The following IPO11 variants were observed in gnomAD, a reference collection of about 807,000 sequenced individuals.
IPO11 encodes importin 11, also known as importin-11.
Under a neutral mutation model 143.2 loss-of-function variants are expected in IPO11, and 66 were observed. The observed-to-expected ratio is 0.46, with a 90% confidence interval of 0.38 to 0.57. The LOEUF (loss-of-function observed/expected upper bound fraction) is 0.57. Ranked by LOEUF, IPO11 falls within the 20% of genes least tolerant of loss-of-function variation. The pLI is 0.00. For missense variants in IPO11, 1,026 were observed against 1,141.0 expected, an observed-to-expected ratio of 0.90 and a Z score of 1.45; for synonymous variants, 385 against 377.8, an observed-to-expected ratio of 1.02 and a Z score of -0.22.
chr5:62,501,178 A>T (rs1264648913), intron 16 of IPO11, among the ~76,000 whole-genome samples: 1 of 152,026 alleles, frequency 6.6e-6, no homozygotes, highest in Non-Finnish European at 1.5e-5. Flanking sequence ...TGTGCGTTTT[A>T]TGGGTCTTTC....
At chr5:62,582,155 G>T (rs1744592257) in intron 27 of IPO11, among the ~76,000 whole-genome samples, 1 of 152,170 alleles carries the variant, frequency 6.6e-6, no homozygotes, top group East Asian at 1.9e-4. Flanking sequence ...GAAATGATTA[G>T]ATTTACCCTT....
At chr5:62,574,670 T>C (rs1203826902) in intron 27 of IPO11, among the ~76,000 whole-genome samples, 1 of 152,180 alleles carries the variant, frequency 6.6e-6, no homozygotes, top group African/African-American at 2.4e-5. Flanking sequence ...TGTAAAACTA[T>C]GCCAATATAC....
intron 5 of IPO11, among the ~76,000 whole-genome samples, chr5:62,462,755 G>C (rs1321789653): frequency 1.3e-5 from 2 of 151,924 alleles, no homozygotes; most frequent in Admixed American, 1.3e-4. Flanking sequence ...ATGTAGGGTG[G>C]CAAATTCTCC....
At position 62,546,205 on chromosome 5, in the gene IPO11, C is replaced by T. The variant is rs750995894; in HGVS notation, c.2251-4162C>T. On this transcript the variant is annotated intron_variant, in intron 24 of 29. Transcript: ENST00000325324. ...AAAGACTTGGAACCAACCCAAATGT[C>T]CATCTATGATAGACTGGATTAAGAA... 3.9e-5 allele frequency among the ~76,000 whole-genome samples: 6 copies of T among 152,146 alleles called. No homozygotes were observed. In the East Asian group the frequency reaches 7.7e-4, roughly 20 times the overall value.
chr5:62,421,889 A>G (rs1192788122), intron 1 of IPO11, among the ~76,000 whole-genome samples: 4 of 152,236 alleles, frequency 2.6e-5, no homozygotes, highest in African/African-American at 9.6e-5. Context: ...TATAAGATAC[A>G]GCTTTATAGA....
At chr5:62,479,072 G>A (rs1746080284) in intron 9 of IPO11, among the ~76,000 whole-genome samples, 1 of 152,162 alleles carries the variant, frequency 6.6e-6, no homozygotes, top group African/African-American at 2.4e-5. Flanking sequence ...TTCTCCTAAT[G>A]CTATCCCTCC....
intron 27 of IPO11, among the ~76,000 whole-genome samples, chr5:62,573,433 T>C (rs1325741298): frequency 1.3e-5 from 2 of 152,216 alleles, no homozygotes; most frequent in Non-Finnish European, 2.9e-5. Context: ...TCTGACTGTA[T>C]ACTCCTTTTT....
intron 20 of IPO11, among the ~76,000 whole-genome samples, chr5:62,519,575 A>G (rs1188303188): frequency 6.6e-6 from 1 of 152,224 alleles, no homozygotes; most frequent in African/African-American, 2.4e-5. Flanking sequence ...GAAGGCCTAT[A>G]TCATTATGTC....
At chr5:62,558,945 T>C (rs1433506490) in intron 26 of IPO11, among the ~76,000 whole-genome samples, 3 of 152,236 alleles carry the variant, frequency 2.0e-5, no homozygotes, top group Non-Finnish European at 4.4e-5. Context: ...TTCCAGTGCA[T>C]ATAGTTATAA....
At chr5:62,463,474 G>A (rs1745448802) in intron 5 of IPO11, among the ~76,000 whole-genome samples, 2 of 151,624 alleles carry the variant, frequency 1.3e-5, no homozygotes, top group South Asian at 4.2e-4. Context: ...GACCAGGCTG[G>A]GCAACACAGT....
rs572963478 is a variant in IPO11 at position 62,503,068 on chromosome 5, G to T, written c.1591-1599G>T. 2.0e-5 allele frequency among the ~76,000 whole-genome samples: 3 copies of T among 152,026 alleles called. No individual in the cohort carries two copies. The South Asian group carries it at 6.3e-4, about 32-fold the overall frequency. On this transcript the variant is annotated intron_variant, in intron 16 of 29. Transcript: ENST00000325324. ...TCGAACTCCTGGCCTCAAGTGATCC[G>T]CCTGCCTCCGCCTCCCAAAGTGCTG...
chr5:62,443,169 T>C (rs1166026087), intron 3 of IPO11, 86 bp downstream of exon 3: 1 of 804,416 alleles, frequency 1.2e-6, no homozygotes, highest in Non-Finnish European at 2.0e-6. Context: ...TGTAAAAGGA[T>C]GTGTTAGCGC....
At chr5:62,415,704 G>T (rs1347438047) in intron 1 of IPO11, among the ~76,000 whole-genome samples, 1 of 151,752 alleles carries the variant, frequency 6.6e-6, no homozygotes, top group East Asian at 1.9e-4. Context: ...TCGACCTCAG[G>T]TGATCCCCCT....
At chr5:62,599,446 A>G (rs192132341) in intron 28 of IPO11, among the ~76,000 whole-genome samples, 6 of 152,356 alleles carry the variant, frequency 3.9e-5, no homozygotes, top group East Asian at 3.9e-4. Flanking sequence ...TCAGCGCTCA[A>G]TGAATGTTTG....
intron 5 of IPO11, among the ~76,000 whole-genome samples, chr5:62,463,683 A>T (rs1745458382): frequency 6.6e-6 from 1 of 151,902 alleles, no homozygotes; most frequent in Admixed American, 6.6e-5. Flanking sequence ...AAAAAAAAAA[A>T]AAAGTTTAAA....
intron 1 of IPO11, among the ~76,000 whole-genome samples, chr5:62,413,143 G>A (rs932576504): frequency 1.3e-5 from 2 of 152,242 alleles, no homozygotes; most frequent in African/African-American, 4.8e-5. Flanking sequence ...TGGGCAGCAT[G>A]GTAGTGGAGC....
At chr5:62,618,133 A>G (rs2112476810) in intron 29 of IPO11, among the ~76,000 whole-genome samples, 1 of 152,332 alleles carries the variant, frequency 6.6e-6, no homozygotes, top group Middle Eastern at 3.4e-3. Flanking sequence ...TTCTTAGAAC[A>G]GAAATAGTAC....
chr5:62,467,099 C>G (rs769281696), intron 5 of IPO11, 32 bp from the exon 6 acceptor site: 1 of 1,587,122 alleles, frequency 6.3e-7, no homozygotes, highest in African/African-American at 1.4e-5. Context: ...GTATAATACA[C>G]TATGAATAAA....
At chr5:62,594,992 A>C (rs1745162990) in intron 28 of IPO11, among the ~76,000 whole-genome samples, 1 of 152,180 alleles carries the variant, frequency 6.6e-6, no homozygotes, top group African/African-American at 2.4e-5. Context: ...ACATGATCAG[A>C]TTTATACTTA....
Sources: gnomAD v4.1 joint callset for allele counts (sites outside exome capture counted in the v4.1 genomes callset) on GRCh38, gnomAD v4.1.1 for gene constraint, MANE v1.5 for transcripts, NCBI Gene and HGNC (gene_info 2026-07-23, HGNC 2026-07-21) for gene names.